SLC24A2: variants seen among roughly 807,000 people sequenced by gnomAD.
SLC24A2 encodes the protein solute carrier family 24 member 2, also known as sodium/potassium/calcium exchanger 2.
Under a neutral mutation model 62.0 loss-of-function variants are expected in SLC24A2, and 36 were observed. That is an observed-to-expected ratio of 0.58 (90% CI 0.44 to 0.77). The LOEUF is 0.77. Among genes scored for constraint, SLC24A2 ranks in the 30% least tolerant of loss-of-function variants. The pLI is 0.00. For synonymous variants in SLC24A2, 358 were observed against 294.0 expected (o/e 1.22, Z -2.23); for missense variants, 846 against 817.9 (o/e 1.03, Z -0.42).
intron 7 of SLC24A2, among the ~76,000 whole-genome samples, chr9:19,564,720 G>T (rs115006751): frequency 6.6e-6 from 1 of 152,226 alleles, no homozygotes; most frequent in African/African-American, 2.4e-5. Flanking sequence ...ATAAAAAGCC[G>T]TCTCATGCTA....
chr9:19,531,516 G>C (rs74813997), intron 8 of SLC24A2, among the ~76,000 whole-genome samples: 55 of 152,340 alleles, frequency 3.6e-4, no homozygotes, highest in Non-Finnish European at 6.8e-4. Flanking sequence ...ATAATTGACA[G>C]TGGATGCTCT....
the SLC24A2 span, among the ~76,000 whole-genome samples, chr9:19,812,313 T>C: frequency 6.6e-6 from 1 of 152,146 alleles, no homozygotes; most frequent in Non-Finnish European, 1.5e-5. Context: ...TAAATTTATG[T>C]TAAACTTTGT....
the SLC24A2 span, among the ~76,000 whole-genome samples, chr9:20,177,185 ATC>A: frequency 1.3e-5 from 2 of 152,124 alleles, no homozygotes; most frequent in Non-Finnish European, 2.9e-5. Context: ...TTTGTTAAAT[ATC>A]TGTTTGTCAA....
chr9:19,614,109 G>A (rs1587038998), intron 4 of SLC24A2, among the ~76,000 whole-genome samples: 1 of 152,080 alleles, frequency 6.6e-6, no homozygotes, highest in East Asian at 1.9e-4. Flanking sequence ...CTTGTTTTTA[G>A]GTTCATGAAG....
At chr9:20,219,101 C>T in the SLC24A2 span, among the ~76,000 whole-genome samples, 1 of 152,176 alleles carries the variant, frequency 6.6e-6, no homozygotes, top group Non-Finnish European at 1.5e-5. Flanking sequence ...AATGTACAAT[C>T]CCCTATTTTT....
intron 2 of SLC24A2, among the ~76,000 whole-genome samples, chr9:19,752,163 G>A (rs572317409): frequency 2.6e-5 from 4 of 152,214 alleles, no homozygotes; most frequent in South Asian, 2.1e-4. Context: ...AAATAAGAAC[G>A]GAAACTAGAG....
At chr9:20,297,715 G>A in the SLC24A2 span, among the ~76,000 whole-genome samples, 4 of 152,180 alleles carry the variant, frequency 2.6e-5, no homozygotes, top group Non-Finnish European at 5.9e-5. Context: ...GCGCTTCCTT[G>A]AGGAGGCTGA....
intron 10 of SLC24A2, among the ~76,000 whole-genome samples, chr9:19,517,941 AC>A: frequency 6.7e-6 from 1 of 148,228 alleles, no homozygotes; most frequent in African/African-American, 2.5e-5. Flanking sequence ...ACACACACAC[AC>A]ACACACACAC....
the SLC24A2 span, among the ~76,000 whole-genome samples, chr9:20,159,616 GGAGA>G: frequency 6.6e-6 from 1 of 151,258 alleles, no homozygotes; most frequent in Non-Finnish European, 1.5e-5. Context: ...AAATGAGGAA[GGAGA>G]GAGAAAGGGA....
At chr9:19,717,223 T>C (rs1397041676) in intron 2 of SLC24A2, among the ~76,000 whole-genome samples, 2 of 152,236 alleles carry the variant, frequency 1.3e-5, no homozygotes, top group East Asian at 1.9e-4. Context: ...TTGCAGTGTA[T>C]TTCTATGCAA....
At chr9:19,602,295 T>C (rs977934906) in intron 4 of SLC24A2, among the ~76,000 whole-genome samples, 2 of 152,210 alleles carry the variant, frequency 1.3e-5, no homozygotes, top group Non-Finnish European at 2.9e-5. Flanking sequence ...CATCATTCTA[T>C]GATTGGGCCA....
chr9:20,247,945 C>A, the SLC24A2 span, among the ~76,000 whole-genome samples: 1 of 152,198 alleles, frequency 6.6e-6, no homozygotes, highest in African/African-American at 2.4e-5. Flanking sequence ...TGAGTTATTA[C>A]ATACAAAGGG....
the SLC24A2 span, among the ~76,000 whole-genome samples, chr9:20,128,543 A>G: frequency 6.6e-6 from 1 of 152,136 alleles, no homozygotes; most frequent in Admixed American, 6.6e-5. Flanking sequence ...AATCAGAACA[A>G]CATTCAAAAG....
chr9:20,049,958 T>A, the SLC24A2 span, among the ~76,000 whole-genome samples: 1 of 152,104 alleles, frequency 6.6e-6, no homozygotes, highest in Non-Finnish European at 1.5e-5. Flanking sequence ...ATCTTGCTGG[T>A]GTGCCACATT....
chr9:19,739,279 C>G (rs1164753344), intron 2 of SLC24A2, among the ~76,000 whole-genome samples: 1 of 152,180 alleles, frequency 6.6e-6, no homozygotes, highest in Non-Finnish European at 1.5e-5. Flanking sequence ...CATTTCTACT[C>G]ATTAAATTAT....
intron 6 of SLC24A2, 26 bp downstream of exon 6, chr9:19,576,898 T>TGG: frequency 6.5e-7 from 1 of 1,548,054 alleles, no homozygotes. Context: ...AGGAAAGGTA[T>TGG]GGGGTGGATG....
the SLC24A2 span, among the ~76,000 whole-genome samples, chr9:20,070,975 C>T: frequency 5.3e-5 from 8 of 152,188 alleles, no homozygotes; most frequent in Non-Finnish European, 8.8e-5. Flanking sequence ...TATAGTTTAA[C>T]ACCATCCTCC....
chr9:19,857,212 C>T, the SLC24A2 span, among the ~76,000 whole-genome samples: 2 of 152,136 alleles, frequency 1.3e-5, no homozygotes, highest in Non-Finnish European at 2.9e-5. Context: ...TGGTTTGTGT[C>T]CACTTCTTTG....
At chr9:19,704,824 G>C (rs908866255) in intron 2 of SLC24A2, among the ~76,000 whole-genome samples, 7 of 148,592 alleles carry the variant, frequency 4.7e-5, no homozygotes, top group African/African-American at 1.7e-4. Flanking sequence ...TTTTAAGTAA[G>C]GCTATAAAGC....
Sources: allele counts gnomAD v4.1 joint callset (sites outside exome capture counted in the v4.1 genomes callset), GRCh38; gene constraint gnomAD v4.1.1; transcripts MANE v1.5; gene names NCBI Gene and HGNC (gene_info 2026-07-23, HGNC 2026-07-21).